GRXCR2: variants seen among roughly 807,000 people sequenced by gnomAD.
GRXCR2 encodes glutaredoxin and cysteine rich domain containing 2.
Under a neutral mutation model 24.8 loss-of-function variants are expected in GRXCR2, and 23 were observed. That is an observed-to-expected ratio of 0.93 (90% CI 0.67 to 1.32). The LOEUF (loss-of-function observed/expected upper bound fraction) is 1.32. Among genes scored for constraint, GRXCR2 ranks in the 40% most tolerant of loss-of-function variants. The probability of loss-of-function intolerance (pLI) is 0.00; values close to 1 mark genes in which losing one functional copy is unlikely to be tolerated. For missense variants in GRXCR2, 315 were observed against 303.4 expected, an observed-to-expected ratio of 1.04 and a Z score of -0.28; for synonymous variants, 130 against 116.1, an observed-to-expected ratio of 1.12 and a Z score of -0.77.
chr5:145,891,581 G>A (rs1467885153), intron 2 of GRXCR2, among the ~76,000 whole-genome samples: 4 of 152,200 alleles, frequency 2.6e-5, no homozygotes, highest in African/African-American at 9.6e-5. Context: ...CAGCGAGGCT[G>A]GGGGAGGGGC....
chr5:145,911,010 C>A (rs992568271), intron 2 of GRXCR2, among the ~76,000 whole-genome samples: 10 of 151,438 alleles, frequency 6.6e-5, no homozygotes, highest in Admixed American at 2.6e-4. Flanking sequence ...TTTTTGGAAG[C>A]AAATTTAAAT....
At chr5:145,892,153 C>T (rs992198523) in intron 2 of GRXCR2, among the ~76,000 whole-genome samples, 4 of 152,028 alleles carry the variant, frequency 2.6e-5, no homozygotes, top group African/African-American at 9.7e-5. Flanking sequence ...CATCAAAGAC[C>T]AAAGGTAGAT....
At chr5:145,898,571 A>G (rs1756982295) in intron 2 of GRXCR2, among the ~76,000 whole-genome samples, 1 of 152,146 alleles carries the variant, frequency 6.6e-6, no homozygotes, top group East Asian at 1.9e-4. Flanking sequence ...AACATGTTAA[A>G]AAGTTAATCC....
chr5:145,887,107 T>C (rs1325920834), intron 2 of GRXCR2, among the ~76,000 whole-genome samples: 1 of 152,242 alleles, frequency 6.6e-6, no homozygotes. Context: ...ATTTTAATTT[T>C]TTCTTTGAGA....
intron 2 of GRXCR2, among the ~76,000 whole-genome samples, chr5:145,888,225 T>C (rs555932260): frequency 6.6e-6 from 1 of 152,184 alleles, no homozygotes; most frequent in Non-Finnish European, 1.5e-5. Context: ...GGAAAGGATG[T>C]GATTGTGTGG....
In GRXCR2 at chr5:145,859,466, G is replaced by C. The variant is rs1289175379; in HGVS notation, c.*267C>G. The C allele has an allele frequency of 1.4e-5, 7 of 490,934 alleles. No homozygotes were observed. Among genetic ancestry groups the C allele is most frequent in the Non-Finnish European group, 2.5e-5 (7 of 275,926 alleles). The allele number at this position is 490,934 out of a possible 1,614,324, so 30.4% of individuals were successfully genotyped here. A position where few individuals can be genotyped will look rare whatever the true frequency, so the allele number is the denominator to read the frequency against. ...AAGAAAACTGAGCTAAGTCAAGTGA[G>C]ATACACTCACACCATCCTGGAAGGA... is the stretch of plus-strand genomic sequence containing the variant. On this transcript the variant is annotated 3_prime_UTR_variant, in exon 3 of 3. Coordinates refer to ENST00000377976, the MANE Select transcript of GRXCR2 (RefSeq NM_001080516.2).
chr5:145,908,651 T>G lies in GRXCR2; in HGVS notation c.-70+27050A>C, dbSNP rs543369720. Reference sequence around the variant, plus strand: ...ATTTCTGAGGATTCCTTTCAAAATATGCTCAATTATAATAAGCAAAAACTC... The same window carrying G: ...ATTTCTGAGGATTCCTTTCAAAATAGGCTCAATTATAATAAGCAAAAACTC... On this transcript the variant is annotated intron_variant, in intron 2 of 3. Transcript: ENST00000639411. Among the ~76,000 whole-genome samples the G allele has an allele frequency of 2.6e-5, 4 of 152,334 alleles. No homozygotes were observed. In the South Asian group the frequency reaches 8.3e-4, roughly 32 times the overall value.
intron 2 of GRXCR2, among the ~76,000 whole-genome samples, chr5:145,889,172 A>AAAGAAAGAAAG (rs1554105330): frequency 0.017 from 1,452 of 83,960 alleles, 41 homozygotes; most frequent in Middle Eastern, 0.03. Context: ...CTGTCTCAAA[A>AAAGAAAGAAAG]AAAGAAAGAA....
At chr5:145,927,985 A>C (rs1295137456) in intron 2 of GRXCR2, among the ~76,000 whole-genome samples, 1 of 152,106 alleles carries the variant, frequency 6.6e-6, no homozygotes, top group Admixed American at 6.6e-5. Context: ...ATGGGAGAAA[A>C]TTTTTGCAAT....
chr5:145,895,063 A>G (rs993249780), intron 2 of GRXCR2, among the ~76,000 whole-genome samples: 3 of 152,192 alleles, frequency 2.0e-5, no homozygotes, highest in African/African-American at 7.2e-5. Flanking sequence ...GATGCAGAAA[A>G]ACCTTTGACA....
intron 2 of GRXCR2, among the ~76,000 whole-genome samples, chr5:145,904,848 G>C (rs934951557): frequency 1.2e-4 from 19 of 152,208 alleles, no homozygotes; most frequent in African/African-American, 4.6e-4. Flanking sequence ...CTCTGTTGGT[G>C]CTGGTAGCAG....
chr5:145,862,051 A>G (rs910648052), intron 2 of GRXCR2, among the ~76,000 whole-genome samples: 4 of 152,264 alleles, frequency 2.6e-5, no homozygotes, highest in African/African-American at 7.2e-5. Flanking sequence ...AAAATAATAC[A>G]TATTTGCAAA....
intron 2 of GRXCR2, among the ~76,000 whole-genome samples, chr5:145,907,491 T>C (rs745596600): frequency 6.4e-4 from 97 of 151,462 alleles, no homozygotes; most frequent in Non-Finnish European, 1.1e-3. Context: ...ATCGTGCCAC[T>C]GCACTCCAGT....
chr5:145,923,383 T>C (rs1332912306), intron 2 of GRXCR2, among the ~76,000 whole-genome samples: 2 of 152,196 alleles, frequency 1.3e-5, no homozygotes, highest in Non-Finnish European at 2.9e-5. Context: ...ATGCAATATA[T>C]TTCTAAAGTA....
chr5:145,864,898 G>A (rs1756402203), intron 2 of GRXCR2, among the ~76,000 whole-genome samples: 2 of 152,170 alleles, frequency 1.3e-5, no homozygotes, highest in Admixed American at 6.5e-5. Flanking sequence ...CTGAATGGAT[G>A]TGAGTGGAAC....
chr5:145,907,507 C>T (rs1391520820), intron 2 of GRXCR2, among the ~76,000 whole-genome samples: 2 of 150,600 alleles, frequency 1.3e-5, no homozygotes, highest in Admixed American at 6.6e-5. Flanking sequence ...CCAGTCTGAG[C>T]GATGGAGTGA....
At chr5:145,919,740 T>A (rs1361299349) in intron 2 of GRXCR2, among the ~76,000 whole-genome samples, 2 of 152,068 alleles carry the variant, frequency 1.3e-5, no homozygotes, top group Non-Finnish European at 2.9e-5. Context: ...TCAGGGCCTG[T>A]GATTTCCTCA....
chr5:145,914,106 G>T (rs1757201121), intron 2 of GRXCR2, among the ~76,000 whole-genome samples: 1 of 152,124 alleles, frequency 6.6e-6, no homozygotes, highest in Non-Finnish European at 1.5e-5. Context: ...TGCTGCACAG[G>T]AGATCATCCC....
intron 2 of GRXCR2, among the ~76,000 whole-genome samples, chr5:145,930,453 T>C (rs1757463463): frequency 6.6e-6 from 1 of 152,228 alleles, no homozygotes; most frequent in Non-Finnish European, 1.5e-5. Flanking sequence ...GATTCAGTGA[T>C]ATTTTATTAT....
Sources: allele counts gnomAD v4.1 joint callset (sites outside exome capture counted in the v4.1 genomes callset), GRCh38; gene constraint gnomAD v4.1.1; transcripts MANE v1.5; gene names NCBI Gene and HGNC (gene_info 2026-07-23, HGNC 2026-07-21).